PLXDC2: variants seen among roughly 807,000 people sequenced by gnomAD.
The protein encoded by PLXDC2 is plexin domain-containing protein 2.
PLXDC2 carries 40 observed loss-of-function variants against 68.9 expected under a neutral mutation model. The observed-to-expected ratio is 0.58, with a 90% confidence interval of 0.45 to 0.76. PLXDC2 has a LOEUF of 0.76. Ranked by LOEUF, PLXDC2 falls within the 30% of genes least tolerant of loss-of-function variation. PLXDC2 has a pLI of 0.00. For missense variants in PLXDC2, 644 were observed against 661.9 expected (o/e 0.97, Z 0.30); for synonymous variants, 243 against 234.2 (o/e 1.04, Z -0.34).
chr10:20,027,692 G>A (rs1170000652), intron 2 of PLXDC2, among the ~76,000 whole-genome samples: 49 of 142,454 alleles, frequency 3.4e-4, no homozygotes, highest in Middle Eastern at 3.6e-3. Flanking sequence ...GGGACAACCT[G>A]AAAAAAAAAA....
At chr10:20,162,071 A>AAGGAAGGAAGGAAGGAAG (rs1339276179) in intron 6 of PLXDC2, among the ~76,000 whole-genome samples, 1 of 44,882 alleles carries the variant, frequency 2.2e-5, no homozygotes, top group Non-Finnish European at 4.6e-5. Context: ...AGAGAGAGAG[A>AAGGAAGGAAGGAAGGAAG]GAAGGAAGGA....
At chr10:19,853,661 G>A (rs1044164278) in intron 1 of PLXDC2, among the ~76,000 whole-genome samples, 1 of 133,710 alleles carries the variant, frequency 7.5e-6, no homozygotes, top group Admixed American at 7.7e-5. Context: ...GTGGGGGGGG[G>A]GTTGCAATTT....
intron 1 of PLXDC2, among the ~76,000 whole-genome samples, chr10:19,954,570 A>G (rs1034343877): frequency 1.4e-4 from 22 of 152,244 alleles, no homozygotes; most frequent in African/African-American, 5.3e-4. Context: ...TTGTTTTCAC[A>G]ATACCACTTC....
At chr10:20,097,214 A>G (rs999535617) in intron 4 of PLXDC2, among the ~76,000 whole-genome samples, 2 of 152,208 alleles carry the variant, frequency 1.3e-5, no homozygotes, top group Non-Finnish European at 2.9e-5. Flanking sequence ...GAAATAGGTC[A>G]TTTGAATCCG....
intron 1 of PLXDC2, among the ~76,000 whole-genome samples, chr10:19,817,684 C>G (rs1836380461): frequency 2.6e-5 from 4 of 152,190 alleles, no homozygotes; most frequent in African/African-American, 9.7e-5. Flanking sequence ...CTGGCGATCC[C>G]CACTAGCTCC....
intron 1 of PLXDC2, among the ~76,000 whole-genome samples, chr10:19,834,351 GA>G: frequency 6.7e-6 from 1 of 150,178 alleles, no homozygotes; most frequent in Admixed American, 6.6e-5. Context: ...GAGAGAGAGA[GA>G]GAGTGTGTGT....
At chr10:19,879,806 A>G (rs1300188356) in intron 1 of PLXDC2, among the ~76,000 whole-genome samples, 2 of 152,146 alleles carry the variant, frequency 1.3e-5, no homozygotes, top group Non-Finnish European at 2.9e-5. Context: ...GTGGCTGGTC[A>G]ATCTGATTTT....
chr10:20,027,755 G>T (rs896959642), intron 2 of PLXDC2, among the ~76,000 whole-genome samples: 1 of 148,816 alleles, frequency 6.7e-6, no homozygotes, highest in Non-Finnish European at 1.5e-5. Flanking sequence ...ACAATATGAA[G>T]ATTCCATATT....
chr10:20,115,542 TGA>T (rs937108979), intron 4 of PLXDC2, among the ~76,000 whole-genome samples: 6 of 152,170 alleles, frequency 3.9e-5, no homozygotes, highest in African/African-American at 1.4e-4. Context: ...ATATCTTTCC[TGA>T]GAGAGGATTT....
At chr10:20,037,230 A>G (rs17688735) in intron 2 of PLXDC2, among the ~76,000 whole-genome samples, 47,723 of 152,116 alleles carry the variant, frequency 0.31, 9,304 homozygotes, top group Middle Eastern at 0.49. Flanking sequence ...TAGAAATCTC[A>G]TACATATTCT....
intron 10 of PLXDC2, 133 bp downstream of exon 10, chr10:20,211,862 A>T (rs1272585643): frequency 1.3e-6 from 1 of 780,646 alleles, no homozygotes; most frequent in African/African-American, 1.7e-5. Context: ...TATAAGCCCA[A>T]TGTCTGCAAA....
At chr10:19,937,562 A>ATATATATATATATATT (rs1833746204) in intron 1 of PLXDC2, among the ~76,000 whole-genome samples, 3 of 140,636 alleles carry the variant, frequency 2.1e-5, no homozygotes, top group African/African-American at 8.0e-5. Context: ...ATATATATAT[A>ATATATATATATATATT]TATATATATA....
intron 13 of PLXDC2, among the ~76,000 whole-genome samples, chr10:20,249,237 G>T (rs772653720): frequency 2.6e-5 from 4 of 152,136 alleles, no homozygotes; most frequent in Admixed American, 6.5e-5. Context: ...CAGTCAAGTG[G>T]TAACTCGGAA....
chr10:19,829,154 CTTTTTTTTTTT>C (rs71388870), intron 1 of PLXDC2, among the ~76,000 whole-genome samples: 2 of 94,414 alleles, frequency 2.1e-5, no homozygotes. Flanking sequence ...ACGCTTTCCT[CTTTTTTTTTTT>C]TTTTTTTTTT....
chr10:20,229,767 T>G (rs1835336251), intron 12 of PLXDC2, among the ~76,000 whole-genome samples: 1 of 152,122 alleles, frequency 6.6e-6, no homozygotes, highest in African/African-American at 2.4e-5. Flanking sequence ...ACTTGAGTAC[T>G]AAGGACAGCA....
At chr10:20,274,497 C>T (rs1003822734) in intron 13 of PLXDC2, among the ~76,000 whole-genome samples, 5 of 152,070 alleles carry the variant, frequency 3.3e-5, no homozygotes, top group Non-Finnish European at 5.9e-5. Context: ...AACATATCAA[C>T]GACAGGTAGT....
At chr10:20,030,211 CAAG>C (rs1438285925) in intron 2 of PLXDC2, among the ~76,000 whole-genome samples, 6 of 151,674 alleles carry the variant, frequency 4.0e-5, no homozygotes, top group Non-Finnish European at 7.4e-5. Flanking sequence ...AACAAACAAA[CAAG>C]AAACAACAAC....
At chr10:20,057,514 T>C (rs567130671) in intron 3 of PLXDC2, among the ~76,000 whole-genome samples, 2 of 152,276 alleles carry the variant, frequency 1.3e-5, no homozygotes, top group South Asian at 4.1e-4. Flanking sequence ...ATAAACTACA[T>C]TCCCATCAGA....
At chr10:20,158,657 T>C (rs948238127) in intron 6 of PLXDC2, among the ~76,000 whole-genome samples, 6 of 148,142 alleles carry the variant, frequency 4.1e-5, no homozygotes, top group African/African-American at 1.5e-4. Context: ...AATGAGACTC[T>C]GTCTCAAATA....
Sources: gnomAD v4.1 joint callset for allele counts (sites outside exome capture counted in the v4.1 genomes callset) on GRCh38, gnomAD v4.1.1 for gene constraint, MANE v1.5 for transcripts, NCBI Gene and HGNC (gene_info 2026-07-23, HGNC 2026-07-21) for gene names.